PGM2: variants seen among roughly 807,000 people sequenced by gnomAD.
PGM2 encodes the protein phosphopentomutase.
A neutral mutation model predicts 74.6 loss-of-function variants in PGM2; 57 were observed. The ratio of observed to expected loss-of-function variants is 0.76; its 90% confidence interval spans 0.62 to 0.95. The LOEUF (loss-of-function observed/expected upper bound fraction) is 0.95. Ranked by LOEUF, PGM2 falls within the 40% of genes least tolerant of loss-of-function variation. The pLI is 0.00. For missense variants in PGM2, 706 were observed against 741.9 expected (o/e 0.95, Z 0.56); for synonymous variants, 273 against 260.7 (o/e 1.05, Z -0.46).
chr4:37,858,239 T>C (rs1220195504), intron 13 of PGM2, among the ~76,000 whole-genome samples: 1 of 152,204 alleles, frequency 6.6e-6, no homozygotes, highest in Non-Finnish European at 1.5e-5. Context: ...ATTTATTAAA[T>C]GGGACATTAA....
At chr4:37,831,957 A>G (rs1725452830) in intron 2 of PGM2, among the ~76,000 whole-genome samples, 2 of 152,206 alleles carry the variant, frequency 1.3e-5, no homozygotes, top group South Asian at 2.1e-4. Context: ...AAGGGATTCT[A>G]GATTAACCTA....
chr4:37,839,763 C>A, intron 4 of PGM2, 85 bp from the exon 5 acceptor site: 1 of 782,128 alleles, frequency 1.3e-6, no homozygotes, highest in Non-Finnish European at 2.3e-6. Flanking sequence ...AGCAAGTTGG[C>A]ATGAACAGTA....
intron 10 of PGM2, chr4:37,847,549 G>T: frequency 2.4e-6 from 1 of 420,550 alleles, no homozygotes; most frequent in South Asian, 2.3e-5. Context: ...TGTATGCTTG[G>T]CTGCCGGTAC....
chr4:37,836,267 T>A (rs1232550811), intron 3 of PGM2, among the ~76,000 whole-genome samples: 1 of 152,176 alleles, frequency 6.6e-6, no homozygotes, highest in African/African-American at 2.4e-5. Context: ...TTTGATGGGA[T>A]GGGATGGAGT....
At chr4:37,852,138 T>TTTTTTTTTTTC (rs1726059793) in intron 12 of PGM2, among the ~76,000 whole-genome samples, 1 of 136,216 alleles carries the variant, frequency 7.3e-6, no homozygotes, top group African/African-American at 2.8e-5. Context: ...CAGCTCTTTT[T>TTTTTTTTTTTC]TTTTTTTTTT....
At chr4:37,856,487 G>T (rs1577684416) in intron 13 of PGM2, among the ~76,000 whole-genome samples, 5 of 152,224 alleles carry the variant, frequency 3.3e-5, no homozygotes, top group African/African-American at 1.2e-4. Flanking sequence ...TCTGGAGGGG[G>T]CACAGAGAGC....
chr4:37,841,815 T>G (rs146508297), intron 6 of PGM2, among the ~76,000 whole-genome samples: 2 of 152,330 alleles, frequency 1.3e-5, no homozygotes, highest in African/African-American at 4.8e-5. Flanking sequence ...CACAGTTGCT[T>G]GAGTATGTGT....
intron 13 of PGM2, 106 bp from the exon 14 acceptor site, chr4:37,861,404 C>G (rs1181321022): frequency 1.4e-6 from 1 of 693,346 alleles, no homozygotes; most frequent in African/African-American, 1.9e-5. Flanking sequence ...ATTTAGTCCT[C>G]TTCTTAAGGT....
chr4:37,845,512 C>A (rs990616283), intron 7 of PGM2, 121 bp from the exon 8 acceptor site: 4 of 663,676 alleles, frequency 6.0e-6, no homozygotes, highest in South Asian at 3.5e-5. Context: ...TTGGTTGGTC[C>A]TATATTATCT....
chr4:37,846,096 TAGGAGGGAGCAGTACCTTCA>T (rs952631192), intron 8 of PGM2, among the ~76,000 whole-genome samples: 1 of 152,146 alleles, frequency 6.6e-6, no homozygotes, highest in African/African-American at 2.4e-5. Context: ...CTGAGGGGTT[TAGGAGGGAGCAGTACCTTCA>T]AGGAGATGCT....
chr4:37,858,363 A>ATC (rs1711624353), intron 13 of PGM2, among the ~76,000 whole-genome samples: 1 of 151,358 alleles, frequency 6.6e-6, no homozygotes, highest in Non-Finnish European at 1.5e-5. Context: ...TTTTTAAGAC[A>ATC]TCTCTCTCTG....
At position 37,836,868 on chromosome 4, in the gene PGM2, T is replaced by TGTGTGTGG. The variant is rs1332697965; in HGVS notation, c.357-654_357-653insGGTGTGTG. On this transcript the variant is annotated intron_variant, in intron 3 of 13. Coordinates refer to ENST00000381967, the MANE Select transcript of PGM2 (RefSeq NM_018290.4). ...AGATGTATATATGTGTATGGGTGTG[T>TGTGTGTGG]GTGTGTGTGTGTGTATACACACATG... 5.2e-4 allele frequency among the ~76,000 whole-genome samples: 79 copies of TGTGTGTGG among 151,928 alleles called. 1 individual carries two copies. Among genetic ancestry groups the TGTGTGTGG allele is most frequent in the African/African-American group, 1.8e-3 (76 of 41,402 alleles).
chr4:37,832,475 A>G (rs1266386242), intron 2 of PGM2, among the ~76,000 whole-genome samples: 1 of 152,194 alleles, frequency 6.6e-6, no homozygotes, highest in Non-Finnish European at 1.5e-5. Flanking sequence ...AGGTACCCCA[A>G]AGTTTGCCTG....
intron 13 of PGM2, among the ~76,000 whole-genome samples, chr4:37,856,033 C>A (rs1366576713): frequency 6.6e-6 from 1 of 152,144 alleles, no homozygotes; most frequent in Non-Finnish European, 1.5e-5. Context: ...TGGTAGCTAA[C>A]ACCAATGAGA....
rs147215512 is a variant in PGM2 at position 37,860,026 on chromosome 4, T to C, written c.1737-1484T>C. On this transcript the variant is annotated intron_variant, in intron 13 of 13. Coordinates refer to ENST00000381967, the MANE Select transcript of PGM2 (RefSeq NM_018290.4). ...TTTTAAGAATTGTACCACTAAACCT[T>C]ACACGGTGGTACTGATTTCTTTTTC... 1.6e-3 allele frequency among the ~76,000 whole-genome samples: 238 copies of C among 152,324 alleles called. 2 individuals carry two copies. Among genetic ancestry groups the C allele is most frequent in the African/African-American group, 5.2e-3 (217 of 41,588 alleles).
At chr4:37,851,405 G>T (rs1394991429) in intron 12 of PGM2, among the ~76,000 whole-genome samples, 1 of 152,228 alleles carries the variant, frequency 6.6e-6, no homozygotes, top group Non-Finnish European at 1.5e-5. Context: ...TAAAGCCTGA[G>T]TTTGCATTCT....
rs1488898111 is a variant in PGM2 at position 37,861,529 on chromosome 4, A to G, written c.1756A>G (p.Lys586Glu). Residue 586 changes from lysine (K) to glutamate (E), a missense_variant, in exon 14 of 14, where the codon AAG becomes GAG. Transcript: ENST00000381967. ...TTCCAGTGATCCTGAGCAGCTGAAG[A>G]AGGAACTGAATGAACTGGTCAGTGC... is the stretch of plus-strand genomic sequence containing the variant. ...PGNSDPEQLKKELNELVSAIE... is the reference protein window; with the variant it reads ...PGNSDPEQLKEELNELVSAIE... 6.2e-7 allele frequency: 1 copy of G among 1,611,848 alleles called. No individual in the cohort carries two copies. Among genetic ancestry groups the G allele is most frequent in the South Asian group, 1.1e-5 (1 of 90,976 alleles).
intron 2 of PGM2, among the ~76,000 whole-genome samples, chr4:37,833,731 A>G (rs1725494476): frequency 6.6e-6 from 1 of 152,182 alleles, no homozygotes; most frequent in Admixed American, 6.5e-5. Flanking sequence ...CACTTAATAT[A>G]GTACTTAGTT....
chr4:37,844,485 C>A lies in PGM2; in HGVS notation c.841C>A (p.Gln281Lys), dbSNP rs1297333858. 6.2e-7 allele frequency: 1 copy of A among 1,613,728 alleles called. No homozygotes were observed. The highest frequency in any genetic ancestry group is 8.5e-7 in the Non-Finnish European group (1 of 1,179,760). Residue 281 changes from glutamine to lysine, a missense_variant, in exon 7 of 14, where the codon CAG becomes AAG. Around this residue, in one of 3 missense-constraint regions of PGM2, gnomAD observed 15 missense variants for 35.8 expected, o/e 0.42. Coordinates refer to ENST00000381967, the MANE Select transcript of PGM2 (RefSeq NM_018290.4). ...DLVPPEAVPE[Q>K]KDPDPEFPTV... is the part of the protein sequence containing the mutation. ...TGTTCCTCCTGAGGCTGTTCCTGAA[C>A]AGAAAGATCCGGATCCTGAGTTTCC...
Sources: allele counts gnomAD v4.1 joint callset (sites outside exome capture counted in the v4.1 genomes callset), GRCh38; gene constraint gnomAD v4.1.1; regional missense constraint gnomAD v4.1.1; transcripts MANE v1.5; gene names NCBI Gene and HGNC (gene_info 2026-07-23, HGNC 2026-07-21).